The following CDH13 variants were observed in gnomAD, a reference collection of about 807,000 sequenced individuals.
CDH13 encodes cadherin 13.
A neutral mutation model predicts 63.8 loss-of-function variants in CDH13; 24 were observed. The observed-to-expected ratio is 0.38, with a 90% confidence interval of 0.27 to 0.53. The LOEUF is 0.53. Among genes scored for constraint, CDH13 ranks in the 20% least tolerant of loss-of-function variants. The pLI, the probability that CDH13 is intolerant of heterozygous loss-of-function variation, is 0.85. For missense variants in CDH13, 1,049 were observed against 903.1 expected (o/e 1.16, Z -2.07); for synonymous variants, 503 against 355.3 (o/e 1.42, Z -4.67).
At chr16:83,071,596 C>T (rs1009935767) in intron 3 of CDH13, among the ~76,000 whole-genome samples, 2 of 152,166 alleles carry the variant, frequency 1.3e-5, no homozygotes, top group Admixed American at 6.5e-5. Flanking sequence ...GGTCGCTTCC[C>T]CTGTGCCACT....
chr16:82,900,367 G>A lies in CDH13; in HGVS notation c.157+41894G>A, dbSNP rs112130165. Among the ~76,000 whole-genome samples the A allele has an allele frequency of 2.7e-3, 416 of 152,224 alleles. 1 individual carries two copies. Among genetic ancestry groups the A allele is most frequent in the African/African-American group, 9.5e-3 (395 of 41,546 alleles). ...TTTACTTGGTTATTAATGATCTTTG[G>A]CACAAGAGTTTCAGTGACTTGATAA... On this transcript the variant is annotated intron_variant, in intron 2 of 13. Transcript: ENST00000567109.
intron 1 of CDH13, chr16:82,705,276 T>G (rs2150997560): frequency 2.5e-6 from 1 of 404,684 alleles, no homozygotes; most frequent in Middle Eastern, 3.6e-4. Context: ...GTTGGACAGG[T>G]GAGATGTCCA....
At chr16:82,720,956 G>C (rs931747941) in intron 1 of CDH13, among the ~76,000 whole-genome samples, 4 of 152,200 alleles carry the variant, frequency 2.6e-5, no homozygotes, top group African/African-American at 9.6e-5. Context: ...CTGGAGAAGG[G>C]ATCAAGAACC....
At position 82,894,312 on chromosome 16, in the gene CDH13, C is replaced by T. The variant is rs373872046; in HGVS notation, c.157+35839C>T. 1.2e-4 allele frequency among the ~76,000 whole-genome samples: 18 copies of T among 152,260 alleles called. No individual in the cohort carries two copies. In the East Asian group the frequency reaches 1.9e-3, roughly 16 times the overall value. On this transcript the variant is annotated intron_variant, in intron 2 of 13. Transcript: ENST00000567109. ...TTGGAAGAAAACAGAGTTCAGGCCC[C>T]AAGGCAACTGACATTTTACTGGGCC...
At chr16:83,508,912 G>T (rs2074488816) in intron 7 of CDH13, among the ~76,000 whole-genome samples, 1 of 152,172 alleles carries the variant, frequency 6.6e-6, no homozygotes, top group Non-Finnish European at 1.5e-5. Flanking sequence ...TGATCTGTTT[G>T]TACTTTCTCA....
At chr16:83,035,830 C>T (rs998628787) in intron 3 of CDH13, among the ~76,000 whole-genome samples, 16 of 152,172 alleles carry the variant, frequency 1.1e-4, no homozygotes, top group African/African-American at 3.9e-4. Context: ...TTGTTTGGAT[C>T]TTCCTGTGGA....
chr16:83,743,748 C>CTTTTTTCTTTTTTTTTTTTTTTTTTT (rs1912281994), intron 10 of CDH13, among the ~76,000 whole-genome samples: 2 of 76,264 alleles, frequency 2.6e-5, no homozygotes, highest in African/African-American at 1.1e-4. Flanking sequence ...TTTCTTTTTT[C>CTTTTTTCTTTTTTTTTTTTTTTTTTT]TTTTTTTTTT....
In CDH13 at chr16:83,188,328, G is replaced by A. The variant is rs376434893; in HGVS notation, c.484-29017G>A. ...GCAATGGTGGTGGAAGGGGAGAGGC[G>A]TGGTTATGGCCGTATTCTGGATATA... On this transcript the variant is annotated intron_variant, in intron 4 of 13. Coordinates refer to ENST00000567109, the MANE Select transcript of CDH13 (RefSeq NM_001257.5). Among the ~76,000 whole-genome samples, 43 of 152,320 alleles carry A rather than the reference G, an allele frequency of 2.8e-4. 1 individual carries two copies. In the South Asian group the frequency reaches 7.9e-3, roughly 28 times the overall value.
At chr16:82,925,255 C>T (rs918780344) in intron 2 of CDH13, among the ~76,000 whole-genome samples, 13 of 152,218 alleles carry the variant, frequency 8.5e-5, no homozygotes, top group African/African-American at 2.4e-4. Flanking sequence ...AGAGAAATGG[C>T]CCAGAGAGGT....
intron 2 of CDH13, among the ~76,000 whole-genome samples, chr16:82,912,670 G>T (rs11150521): frequency 0.18 from 27,128 of 152,128 alleles, 3,776 homozygotes; most frequent in East Asian, 0.68. Context: ...CTCGCCGGGC[G>T]CGGTGGCTCA....
At chr16:83,415,832 A>G (rs530390828) in intron 6 of CDH13, among the ~76,000 whole-genome samples, 2 of 152,180 alleles carry the variant, frequency 1.3e-5, no homozygotes, top group East Asian at 1.9e-4. Context: ...CTTACCTTCT[A>G]AGATCAGAAA....
At chr16:83,405,411 A>G (rs1417387162) in intron 6 of CDH13, among the ~76,000 whole-genome samples, 3 of 152,228 alleles carry the variant, frequency 2.0e-5, no homozygotes, top group Non-Finnish European at 4.4e-5. Context: ...AAGGGTCCTT[A>G]TAAGAGGCTC....
At chr16:83,297,722 G>T (rs9932349) in intron 5 of CDH13, among the ~76,000 whole-genome samples, 3 of 151,868 alleles carry the variant, frequency 2.0e-5, no homozygotes, top group Non-Finnish European at 4.4e-5. Context: ...ATGTGAACAT[G>T]CCTGGCACAT....
rs149204968 is a variant in CDH13, at chr16:83,315,064, G to A, written c.637-29798G>A. Among the ~76,000 whole-genome samples the A allele has an allele frequency of 7.2e-5, 11 of 152,300 alleles. No individual in the cohort carries two copies. The East Asian group carries it at 1.2e-3, about 16-fold the overall frequency. ...CTACAAAAGGGTCACCCATGCTGAC[G>A]TTACAAAGTGATAGTGAGGAATAAC... On this transcript the variant is annotated intron_variant, in intron 5 of 13. Coordinates refer to ENST00000567109, the MANE Select transcript of CDH13 (RefSeq NM_001257.5).
In CDH13 at chr16:83,678,398, T is replaced by C; in HGVS notation, c.1475T>C (p.Val492Ala). Residue 492 changes from valine (V) to alanine (A), a missense_variant, in exon 10 of 14, where the codon GTG becomes GCG. Coordinates refer to ENST00000567109, the MANE Select transcript of CDH13 (RefSeq NM_001257.5). The stretch of plus-strand genomic sequence containing the variant: ...GTGACCAGGCAGGAGGACCTCTCTG[T>C]GGGCAGCGTGCTGCTGACAGTGAAT... ...MMVTRQEDLS[V>A]GSVLLTVNAT... 1 of 1,613,964 alleles carries C rather than the reference T, an allele frequency of 6.2e-7. No homozygotes were observed. The highest frequency in any genetic ancestry group is 8.5e-7 in the Non-Finnish European group (1 of 1,179,888).
intron 5 of CDH13, among the ~76,000 whole-genome samples, chr16:83,253,471 A>C (rs1045792787): frequency 6.6e-6 from 1 of 152,210 alleles, no homozygotes; most frequent in African/African-American, 2.4e-5. Flanking sequence ...TGTTGAGAGA[A>C]CCAGGCACAT....
chr16:82,944,558 G>A (rs1270550850), intron 2 of CDH13, among the ~76,000 whole-genome samples: 3 of 152,122 alleles, frequency 2.0e-5, no homozygotes, highest in Non-Finnish European at 2.9e-5. Flanking sequence ...GGAGTGGGAG[G>A]AGAACATGAC....
intron 7 of CDH13, among the ~76,000 whole-genome samples, chr16:83,505,547 T>G (rs1342560111): frequency 4.7e-5 from 7 of 147,466 alleles, no homozygotes; most frequent in African/African-American, 7.6e-5. Context: ...TTTTTTTTTT[T>G]TTTTTTTTTT....
intron 6 of CDH13, among the ~76,000 whole-genome samples, chr16:83,457,165 C>G (rs1407580612): frequency 6.6e-6 from 1 of 152,180 alleles, no homozygotes; most frequent in African/African-American, 2.4e-5. Flanking sequence ...CCTTGGCGAG[C>G]TCCGCAGTTC....
Sources: gnomAD v4.1 joint callset for allele counts (sites outside exome capture counted in the v4.1 genomes callset) on GRCh38, gnomAD v4.1.1 for gene constraint, MANE v1.5 for transcripts, NCBI Gene and HGNC (gene_info 2026-07-23, HGNC 2026-07-21) for gene names.